PHACTR1: variants seen among roughly 807,000 people sequenced by gnomAD.
PHACTR1 encodes RPEL repeat containing 1.
In PHACTR1, 16 loss-of-function variants were observed where a neutral mutation model predicts 69.2. The ratio of observed to expected loss-of-function variants is 0.23; its 90% confidence interval spans 0.16 to 0.35. The LOEUF (loss-of-function observed/expected upper bound fraction) is 0.35, where lower values mean the gene tolerates loss of function less well. PHACTR1 is among the 10% of genes least tolerant of loss of function. The pLI is 1.00. For missense variants in PHACTR1, 510 were observed against 734.7 expected (o/e 0.69, Z 3.54); for synonymous variants, 312 against 284.5 (o/e 1.10, Z -0.97).
At chr6:13,236,066 T>G (rs1771943713) in intron 10 of PHACTR1, among the ~76,000 whole-genome samples, 1 of 151,124 alleles carries the variant, frequency 6.6e-6, no homozygotes, top group South Asian at 2.1e-4. Flanking sequence ...AATATCACCC[T>G]CCTACTCAGG....
intron 4 of PHACTR1, among the ~76,000 whole-genome samples, chr6:12,855,002 T>C (rs866568333): frequency 2.6e-5 from 4 of 152,278 alleles, no homozygotes; most frequent in South Asian, 2.1e-4. Context: ...TAAAAATACA[T>C]AGAACTACAA....
chr6:12,791,764 G>C (rs1300795606), intron 4 of PHACTR1, among the ~76,000 whole-genome samples: 1 of 152,198 alleles, frequency 6.6e-6, no homozygotes, highest in Non-Finnish European at 1.5e-5. Flanking sequence ...TTAAGTGTTT[G>C]TTCTTTCAGT....
At chr6:12,733,239 G>T (rs775639816) in intron 3 of PHACTR1, among the ~76,000 whole-genome samples, 7 of 152,170 alleles carry the variant, frequency 4.6e-5, no homozygotes, top group East Asian at 1.9e-4. Flanking sequence ...GAGCTGGAAG[G>T]TACTTAATTT....
intron 10 of PHACTR1, among the ~76,000 whole-genome samples, chr6:13,250,192 G>T (rs1250486401): frequency 6.6e-6 from 1 of 152,152 alleles, no homozygotes; most frequent in East Asian, 1.9e-4. Context: ...GACATTTAAG[G>T]ACCTAGACTG....
chr6:12,881,691 G>A (rs554464029), intron 4 of PHACTR1, among the ~76,000 whole-genome samples: 7 of 152,198 alleles, frequency 4.6e-5, no homozygotes, highest in East Asian at 3.9e-4. Flanking sequence ...TGTTGCCCAC[G>A]GAATCTCTAG....
Position 12,856,679 on chromosome 6 carries a change from A to G in PHACTR1, c.250+106889A>G, listed in dbSNP as rs374195961. Reference sequence around the variant, plus strand: ...TCCCACTTCCTGCTGGGTTTTTACTATAACCATCACCAGCCCTAAGGCTTT... The same window carrying G: ...TCCCACTTCCTGCTGGGTTTTTACTGTAACCATCACCAGCCCTAAGGCTTT... On this transcript the variant is annotated intron_variant, in intron 4 of 14. Transcript: ENST00000332995. Among the ~76,000 whole-genome samples, 7 of 152,308 alleles carry G rather than the reference A, an allele frequency of 4.6e-5. No homozygotes were observed. The East Asian group carries it at 9.6e-4, about 21-fold the overall frequency.
rs144875131 is a variant in PHACTR1 at position 13,109,536 on chromosome 6, T to C, written c.416-50668T>C. ...TTTTTTCACCTGTATCTAATATTTT[T>C]TCTCTCTGGCTACTCTTAAAATTTT... On this transcript the variant is annotated intron_variant, in intron 5 of 14. Coordinates refer to ENST00000332995, the MANE Select transcript of PHACTR1 (RefSeq NM_030948.6). Among the ~76,000 whole-genome samples the C allele has an allele frequency of 1.5e-3, 225 of 152,152 alleles. 1 individual carries two copies. The highest frequency in any genetic ancestry group is 2.3e-3 in the Non-Finnish European group (158 of 67,946).
intron 5 of PHACTR1, among the ~76,000 whole-genome samples, chr6:13,076,554 T>C (rs1810503538): frequency 6.6e-6 from 1 of 152,164 alleles, no homozygotes; most frequent in African/African-American, 2.4e-5. Flanking sequence ...AGCATTCATT[T>C]TGTACATACT....
chr6:12,730,986 TTTTATTTATTTA>T lies in PHACTR1; in HGVS notation c.103+12175_103+12186del, dbSNP rs10648753. On this transcript the variant is annotated intron_variant, in intron 3 of 14. Coordinates refer to ENST00000332995, the MANE Select transcript of PHACTR1 (RefSeq NM_030948.6). ...GGAATATTATGCAGAATATTACCTT[TTTTATTTATTTA>T]TTTATTTATTTATTTATTTATTTAT... 5.6e-3 allele frequency among the ~76,000 whole-genome samples: 779 copies of T among 137,990 alleles called. 6 individuals are homozygous for T. Among genetic ancestry groups the T allele is most frequent in the African/African-American group, 0.012 (431 of 37,208 alleles). 90.5% of individuals were successfully genotyped at this position (137,990 alleles called of 152,430 possible). A position where few individuals can be genotyped will look rare whatever the true frequency, so the allele number is the denominator to read the frequency against.
In PHACTR1 at chr6:12,799,685, A is replaced by T. The variant is rs892038311; in HGVS notation, c.250+49895A>T. ...TGTCAATAACCTTGGTAGTCTGGCC[A>T]AGCTGTACAGCCATGTGGTTAGACT... On this transcript the variant is annotated intron_variant, in intron 4 of 14. Coordinates refer to ENST00000332995, the MANE Select transcript of PHACTR1 (RefSeq NM_030948.6). 2.0e-5 allele frequency among the ~76,000 whole-genome samples: 3 copies of T among 152,334 alleles called. No homozygotes were observed. In the East Asian group the frequency reaches 5.8e-4, roughly 29 times the overall value.
At chr6:12,985,427 CG>C (rs1239527683) in intron 4 of PHACTR1, among the ~76,000 whole-genome samples, 1 of 151,202 alleles carries the variant, frequency 6.6e-6, no homozygotes, top group Non-Finnish European at 1.5e-5. Flanking sequence ...ATTTTCTTCC[CG>C]ATGAAAAACC....
intron 5 of PHACTR1, among the ~76,000 whole-genome samples, chr6:13,103,469 C>T (rs1347575591): frequency 6.6e-6 from 1 of 152,146 alleles, no homozygotes; most frequent in Non-Finnish European, 1.5e-5. Context: ...CTTGAAATAA[C>T]AGATGTTAAA....
chr6:13,270,027 G>A (rs974531085), intron 10 of PHACTR1, among the ~76,000 whole-genome samples: 1 of 152,102 alleles, frequency 6.6e-6, no homozygotes, highest in African/African-American at 2.4e-5. Context: ...ACAGGTTAAG[G>A]ACTCAGTCCC....
intron 4 of PHACTR1, among the ~76,000 whole-genome samples, chr6:12,872,403 A>T (rs1262136783): frequency 1.3e-5 from 2 of 152,110 alleles, no homozygotes; most frequent in East Asian, 3.8e-4. Flanking sequence ...GAAAATCTCC[A>T]TGATAAAAAA....
intron 4 of PHACTR1, among the ~76,000 whole-genome samples, chr6:12,825,922 G>T (rs1240994870): frequency 2.0e-5 from 3 of 152,054 alleles, no homozygotes; most frequent in African/African-American, 4.8e-5. Flanking sequence ...GAAAAGAAAA[G>T]AAAAGAAACA....
At chr6:12,919,678 C>G (rs901472555) in intron 4 of PHACTR1, among the ~76,000 whole-genome samples, 14 of 152,182 alleles carry the variant, frequency 9.2e-5, no homozygotes, top group African/African-American at 3.1e-4. Context: ...CTTGGCATTC[C>G]TCACTGCAAT....
At chr6:12,879,162 G>A (rs541205953) in intron 4 of PHACTR1, among the ~76,000 whole-genome samples, 1 of 152,284 alleles carries the variant, frequency 6.6e-6, no homozygotes, top group African/African-American at 2.4e-5. Flanking sequence ...AATTTTAGGA[G>A]GCTATGACAA....
At chr6:13,197,859 T>A (rs2113825782) in intron 7 of PHACTR1, among the ~76,000 whole-genome samples, 1 of 152,306 alleles carries the variant, frequency 6.6e-6, no homozygotes, top group African/African-American at 2.4e-5. Flanking sequence ...ATTTTGCCTA[T>A]GGAGGGAGTA....
At chr6:12,872,309 A>C (rs978824969) in intron 4 of PHACTR1, among the ~76,000 whole-genome samples, 2 of 152,214 alleles carry the variant, frequency 1.3e-5, no homozygotes, top group Admixed American at 1.3e-4. Context: ...AGAATGAAAA[A>C]AAATAAACTT....
Sources: allele counts gnomAD v4.1 joint callset (sites outside exome capture counted in the v4.1 genomes callset), GRCh38; gene constraint gnomAD v4.1.1; transcripts MANE v1.5; gene names NCBI Gene and HGNC (gene_info 2026-07-23, HGNC 2026-07-21).